The following WWP2 variants were observed in gnomAD, a reference collection of about 807,000 sequenced individuals.
The protein encoded by WWP2 is NEDD4-like E3 ubiquitin-protein ligase WWP2.
A neutral mutation model predicts 121.0 loss-of-function variants in WWP2; 57 were observed. That is an observed-to-expected ratio of 0.47 (90% CI 0.38 to 0.59). WWP2 has a LOEUF of 0.59. Ranked by LOEUF, WWP2 falls within the 20% of genes least tolerant of loss-of-function variation. The probability of loss-of-function intolerance (pLI) is 0.00; values close to 1 mark genes in which losing one functional copy is unlikely to be tolerated. For missense variants in WWP2, 962 were observed against 1,158.9 expected, an observed-to-expected ratio of 0.83 and a Z score of 2.47; for synonymous variants, 449 against 441.3, an observed-to-expected ratio of 1.02 and a Z score of -0.22.
chr16:69,845,136 T>G (rs1177840977), intron 6 of WWP2, among the ~76,000 whole-genome samples: 1 of 152,286 alleles, frequency 6.6e-6, no homozygotes, highest in East Asian at 1.9e-4. Flanking sequence ...TCCCCAGTTT[T>G]TTTCAGGTGT....
chr16:69,769,013 C>A (rs1026998028), intron 1 of WWP2, among the ~76,000 whole-genome samples: 6 of 152,138 alleles, frequency 3.9e-5, no homozygotes, highest in African/African-American at 1.2e-4. Flanking sequence ...CTTTTCCTTG[C>A]ATATCTTTCA....
intron 10 of WWP2, among the ~76,000 whole-genome samples, chr16:69,923,163 C>T (rs968346299): frequency 1.1e-4 from 16 of 152,018 alleles, no homozygotes; most frequent in African/African-American, 3.4e-4. Context: ...GTGCTGGGAT[C>T]ACCAGCCTGA....
chr16:69,819,043 A>G (rs2056547046), intron 4 of WWP2, among the ~76,000 whole-genome samples: 2 of 152,168 alleles, frequency 1.3e-5, no homozygotes, highest in Non-Finnish European at 2.9e-5. Context: ...CACTCAGGCT[A>G]AAATCCTCCG....
intron 8 of WWP2, among the ~76,000 whole-genome samples, chr16:69,897,102 T>G (rs1331211360): frequency 4.6e-5 from 7 of 151,996 alleles, no homozygotes; most frequent in East Asian, 1.9e-4. Flanking sequence ...GTCTTTTTTT[T>G]TTTGTTTGTG....
intron 7 of WWP2, among the ~76,000 whole-genome samples, chr16:69,876,598 A>G (rs2057740677): frequency 6.6e-6 from 1 of 152,146 alleles, no homozygotes; most frequent in African/African-American, 2.4e-5. Flanking sequence ...TCCTGACCTC[A>G]AGTGATTCAC....
chr16:69,812,870 C>T (rs184905463), intron 4 of WWP2, among the ~76,000 whole-genome samples: 1 of 152,246 alleles, frequency 6.6e-6, no homozygotes, highest in Admixed American at 6.5e-5. Flanking sequence ...ATTACTGTTT[C>T]CCCTTGTCAA....
chr16:69,780,067 C>G (rs995964736), intron 1 of WWP2, among the ~76,000 whole-genome samples: 1 of 152,124 alleles, frequency 6.6e-6, no homozygotes, highest in African/African-American at 2.4e-5. Flanking sequence ...TGGTCTCTTC[C>G]CCACTCCAAT....
chr16:69,866,057 T>C (rs896882534), intron 6 of WWP2, among the ~76,000 whole-genome samples: 1 of 152,186 alleles, frequency 6.6e-6, no homozygotes, highest in African/African-American at 2.4e-5. Flanking sequence ...ACCTCGCATC[T>C]CATCATGGCT....
chr16:69,796,649 C>T (rs143451530), intron 2 of WWP2, among the ~76,000 whole-genome samples: 58 of 152,264 alleles, frequency 3.8e-4, no homozygotes, highest in African/African-American at 1.3e-3. Context: ...ATTTGTAGTC[C>T]CTATTTTTTA....
chr16:69,826,566 C>T (rs1275373049), intron 4 of WWP2, among the ~76,000 whole-genome samples: 22 of 115,312 alleles, frequency 1.9e-4, no homozygotes, highest in East Asian at 9.8e-4. Flanking sequence ...AGTGAGACTC[C>T]GTCTCAAAAA....
At chr16:69,785,010 C>T (rs867937313) in intron 1 of WWP2, among the ~76,000 whole-genome samples, 11 of 151,116 alleles carry the variant, frequency 7.3e-5, no homozygotes, top group Middle Eastern at 3.4e-3. Flanking sequence ...TTGAGGCAGG[C>T]GGATCACTTG....
intron 4 of WWP2, among the ~76,000 whole-genome samples, chr16:69,813,392 C>T (rs1434557136): frequency 6.6e-6 from 1 of 152,204 alleles, no homozygotes; most frequent in Non-Finnish European, 1.5e-5. Flanking sequence ...AAACTCCCAA[C>T]CTCAGGTGTT....
chr16:69,939,392 G>C lies in WWP2; in HGVS notation c.2492G>C (p.Trp831Ser), dbSNP rs774661579. ...FCIDKVGKETWLPRSHTCFNR... is the reference protein window; with the variant it reads ...FCIDKVGKETSLPRSHTCFNR... Reference sequence around the variant, plus strand: ...ATTGACAAAGTTGGCAAGGAAACCTGGCTGCCCAGAAGCCACACCTGGTGA... The same window carrying C: ...ATTGACAAAGTTGGCAAGGAAACCTCGCTGCCCAGAAGCCACACCTGGTGA... The change falls in exon 23 of 24, where the codon TGG becomes TCG. Residue 831 changes from tryptophan (W) to serine (S), a missense_variant. Physicochemically the swap from Trp to Ser is radical, Grantham distance 177. Coordinates refer to ENST00000359154, the MANE Select transcript of WWP2 (RefSeq NM_001270454.2). The C allele has an allele frequency of 6.2e-6, 10 of 1,614,050 alleles. No homozygotes were observed. In the South Asian group the frequency reaches 8.8e-5, roughly 14 times the overall value.
At chr16:69,890,058 G>A (rs148459897) in intron 8 of WWP2, among the ~76,000 whole-genome samples, 1,856 of 151,900 alleles carry the variant, frequency 0.012, 12 homozygotes, top group Non-Finnish European at 0.017. Context: ...GGGCTCAAGC[G>A]ATTCTTCCAC....
At chr16:69,779,092 G>A (rs1440510853) in intron 1 of WWP2, among the ~76,000 whole-genome samples, 1 of 151,794 alleles carries the variant, frequency 6.6e-6, no homozygotes, top group Non-Finnish European at 1.5e-5. Context: ...TGGGATTACA[G>A]GTGCCCGCCA....
Position 69,795,649 on chromosome 16 carries a change from G to GTTTTTTTTTTTTT in WWP2, c.71-3019_71-3007dup, listed in dbSNP as rs386384998. On this transcript the variant is annotated intron_variant, in intron 2 of 23. Coordinates refer to ENST00000359154, the MANE Select transcript of WWP2 (RefSeq NM_001270454.2). ...TAGATTGGAAACTTAAAAATAGGAGGTTTTTTTTTTTTTTTTTTTTTTTTT... is the reference window on the plus strand; with the variant it reads ...TAGATTGGAAACTTAAAAATAGGAGGTTTTTTTTTTTTTTTTTTTTTTTTTTTTTTTTTTTTTT... Among the ~76,000 whole-genome samples the GTTTTTTTTTTTTT allele has an allele frequency of 6.0e-5, 4 of 66,954 alleles. 1 individual carries two copies. The highest frequency in any genetic ancestry group is 2.5e-4 in the African/African-American group (4 of 15,918). 43.9% of individuals were successfully genotyped at this position (66,954 alleles called of 152,430 possible).
chr16:69,798,958 A>G, intron 3 of WWP2, 129 bp downstream of exon 3: 1 of 1,415,128 alleles, frequency 7.1e-7, no homozygotes, highest in Non-Finnish European at 9.5e-7. Context: ...ACCCAAGGTG[A>G]CTCTTTTTAG....
At chr16:69,842,178 C>T in intron 6 of WWP2, 58 bp downstream of exon 6, 1 of 1,491,388 alleles carries the variant, frequency 6.7e-7, no homozygotes, top group Non-Finnish European at 9.2e-7. Flanking sequence ...CTATTGAAAA[C>T]ATGTTGGGAC....
chr16:69,850,356 C>T lies in WWP2; in HGVS notation c.575+8236C>T, dbSNP rs139750484. Among the ~76,000 whole-genome samples the T allele has an allele frequency of 4.7e-3, 671 of 143,772 alleles. 17 individuals are homozygous for T. In the East Asian group the frequency reaches 0.084, roughly 18 times the overall value. The allele number at this position is 143,772 out of a possible 152,430, so 94.3% of individuals were successfully genotyped here. On this transcript the variant is annotated intron_variant, in intron 6 of 23. Coordinates refer to ENST00000359154, the MANE Select transcript of WWP2 (RefSeq NM_001270454.2). ...GAGCCGAGATCACACCACTGCACTC[C>T]AGCCTGGGCAACAGACTGAGACTCC...
Sources: gnomAD v4.1 joint callset for allele counts (sites outside exome capture counted in the v4.1 genomes callset) on GRCh38, gnomAD v4.1.1 for gene constraint, MANE v1.5 for transcripts, NCBI Gene and HGNC (gene_info 2026-07-23, HGNC 2026-07-21) for gene names.